POLR1E: variants seen among roughly 807,000 people sequenced by gnomAD.
POLR1E encodes DNA-directed RNA polymerase I subunit RPA49.
Under a neutral mutation model 50.9 loss-of-function variants are expected in POLR1E, and 37 were observed. The ratio of observed to expected loss-of-function variants is 0.73; its 90% CI spans 0.56 to 0.96. POLR1E has a LOEUF of 0.96. Ranked by LOEUF, POLR1E falls within the 40% of genes least tolerant of loss-of-function variation. The pLI is 0.00. For missense variants in POLR1E, 426 were observed against 518.1 expected (o/e 0.82, Z 1.73); for synonymous variants, 166 against 191.6 (o/e 0.87, Z 1.10).
At chr9:37,487,419 A>G (rs1374076698) in intron 2 of POLR1E, among the ~76,000 whole-genome samples, 1 of 152,198 alleles carries the variant, frequency 6.6e-6, no homozygotes, top group African/African-American at 2.4e-5. Context: ...TGGTGTTTCG[A>G]GTGAAAAGGA....
At chr9:37,492,558 C>T (rs913285212) in intron 4 of POLR1E, 99 bp from the exon 5 acceptor site, 1 of 1,168,754 alleles carries the variant, frequency 8.6e-7, no homozygotes, top group Non-Finnish European at 1.2e-6. Context: ...GTAAAGAAAT[C>T]TATTATTCTT....
At chr9:37,499,900 G>C (rs1440255059) in intron 9 of POLR1E, among the ~76,000 whole-genome samples, 4 of 150,792 alleles carry the variant, frequency 2.7e-5, no homozygotes, top group Non-Finnish European at 5.9e-5. Flanking sequence ...GCCCAGGCTG[G>C]AGTGCAGTGG....
intron 8 of POLR1E, among the ~76,000 whole-genome samples, chr9:37,496,623 CTTTTT>C (rs376455174): frequency 0.027 from 3,014 of 112,520 alleles, 96 homozygotes; most frequent in African/African-American, 0.097. Flanking sequence ...ATTATTATTT[CTTTTT>C]TTTTTTTTTT....
chr9:37,502,086 T>C (rs777733157), intron 11 of POLR1E, among the ~76,000 whole-genome samples: 5 of 152,348 alleles, frequency 3.3e-5, no homozygotes, highest in Non-Finnish European at 5.9e-5. Context: ...TAGAAAACAA[T>C]TGAAGAATCA....
intron 11 of POLR1E, among the ~76,000 whole-genome samples, chr9:37,502,485 C>G (rs531765014): frequency 6.6e-6 from 1 of 152,168 alleles, no homozygotes; most frequent in South Asian, 2.1e-4. Context: ...GAGATTCAGA[C>G]AGTAGGGGCA....
chr9:37,488,756 C>G (rs950019620), intron 3 of POLR1E, among the ~76,000 whole-genome samples: 2 of 151,736 alleles, frequency 1.3e-5, no homozygotes, highest in Non-Finnish European at 2.9e-5. Context: ...GATCAACTAT[C>G]AGAATCACCT....
At chr9:37,495,030 G>C in intron 6 of POLR1E, 139 bp from the exon 7 acceptor site, 1 of 677,586 alleles carries the variant, frequency 1.5e-6, no homozygotes, top group Non-Finnish European at 2.6e-6. Context: ...AGCCTGATGG[G>C]GAGGCGAGGT....
At position 37,492,855 on chromosome 9, in the gene POLR1E, A is replaced by C. The variant is rs1161356500; in HGVS notation, c.402+140A>C. Reference sequence around the variant, plus strand: ...CTCATTCAGTCTGTTTCTCTGGACAATTAGTTTGTACCTGCAGAAGCCTCC... The same window carrying C: ...CTCATTCAGTCTGTTTCTCTGGACACTTAGTTTGTACCTGCAGAAGCCTCC... On this transcript the variant is annotated intron_variant, in intron 5 of 11. Coordinates refer to ENST00000377798, the MANE Select transcript of POLR1E (RefSeq NM_022490.4). 1.1e-5 allele frequency: 8 copies of C among 751,254 alleles called. No individual in the cohort carries two copies. In the Admixed American group the frequency reaches 1.9e-4, roughly 17 times the overall value. The allele number at this position is 751,254 out of a possible 1,614,324, so 46.5% of individuals were successfully genotyped here. A position where few individuals can be genotyped will look rare whatever the true frequency, so the allele number is the denominator to read the frequency against.
chr9:37,497,834 C>T (rs1025365641), intron 8 of POLR1E, among the ~76,000 whole-genome samples: 1 of 152,136 alleles, frequency 6.6e-6, no homozygotes, highest in African/African-American at 2.4e-5. Context: ...GCGCAGACAG[C>T]TCACTGGAGC....
At chr9:37,497,158 C>T (rs2119013447) in intron 8 of POLR1E, among the ~76,000 whole-genome samples, 1 of 152,240 alleles carries the variant, frequency 6.6e-6, no homozygotes, top group South Asian at 2.1e-4. Context: ...GAGTTCAAGA[C>T]CAGCGTGACC....
intron 1 of POLR1E, 145 bp downstream of exon 1, chr9:37,486,268 A>C: frequency 1.6e-6 from 2 of 1,279,786 alleles, no homozygotes; most frequent in African/African-American, 1.5e-5. Flanking sequence ...GGGCTCTGTC[A>C]GGGCTCCCCT....
chr9:37,495,365 G>A lies in POLR1E; in HGVS notation c.655+89G>A, dbSNP rs1319054192. 3 of 1,077,778 alleles carry A rather than the reference G, an allele frequency of 2.8e-6. No individual in the cohort carries two copies. In the African/African-American group the frequency reaches 4.7e-5, roughly 17 times the overall value. 66.8% of individuals were successfully genotyped at this position (1,077,778 alleles called of 1,614,324 possible). ...AGTCAGGTTCTCTGAGGGTGTCTGT[G>A]TTCTGTGACATTCACAAGAGCTCCA... On this transcript the variant is annotated intron_variant, in intron 7 of 11. Transcript: ENST00000377798.
rs201112805 is a variant in POLR1E at position 37,503,332 on chromosome 9, C to CT, written c.*133dup. 1 of 1,153,144 alleles carries CT rather than the reference C, an allele frequency of 8.7e-7. No individual in the cohort carries two copies. Among genetic ancestry groups the CT allele is most frequent in the African/African-American group, 1.6e-5 (1 of 63,118 alleles). 71.4% of individuals were successfully genotyped at this position (1,153,144 alleles called of 1,614,324 possible). ...GTGGCTCACACCTGAAATCCCAGCA[C>CT]TTTGGGAGGCCGAGGCAGGAAGATC... is the stretch of plus-strand genomic sequence containing the variant. On this transcript the variant is annotated 3_prime_UTR_variant, in exon 12 of 12. Transcript: ENST00000377798.
At position 37,486,005 on chromosome 9, in the gene POLR1E, T is replaced by C. The variant is rs369689056; in HGVS notation, c.-43T>C. ...GCGTGTTTAAAAGTGCGCTTGTGGC[T>C]GCTGCTGTCTTAACTCCTGTGCTTG... is the stretch of plus-strand genomic sequence containing the variant. On this transcript the variant is annotated 5_prime_UTR_variant, in exon 1 of 12. Coordinates refer to ENST00000377798, the MANE Select transcript of POLR1E (RefSeq NM_022490.4). The C allele has an allele frequency of 1.2e-5, 19 of 1,576,972 alleles. No individual in the cohort carries two copies. Among genetic ancestry groups the C allele is most frequent in the African/African-American group, 1.3e-5 (1 of 74,492 alleles).
At chr9:37,496,090 G>A (rs1820780823) in intron 8 of POLR1E, 104 bp downstream of exon 8, 1 of 802,488 alleles carries the variant, frequency 1.2e-6, no homozygotes, top group Non-Finnish European at 2.1e-6. Context: ...GAGGAAGTGT[G>A]TCTGGAGCAT....
chr9:37,493,105 C>A (rs903683985), intron 5 of POLR1E, among the ~76,000 whole-genome samples: 1 of 152,202 alleles, frequency 6.6e-6, no homozygotes, highest in African/African-American at 2.4e-5. Flanking sequence ...AAGGTCATCT[C>A]ACCCCAAGAT....
chr9:37,486,889 G>A (rs1319970924), intron 2 of POLR1E, 83 bp downstream of exon 2: 2 of 1,479,244 alleles, frequency 1.4e-6, no homozygotes, highest in Non-Finnish European at 9.0e-7. Context: ...AGGGAGTGAG[G>A]GGAGAAAAAG....
chr9:37,491,064 G>T (rs1471899739), intron 4 of POLR1E, among the ~76,000 whole-genome samples: 2 of 152,192 alleles, frequency 1.3e-5, no homozygotes, highest in Non-Finnish European at 2.9e-5. Context: ...CTAATTTGAG[G>T]AAGATCTATT....
At chr9:37,502,796 A>G (rs930037243) in intron 11 of POLR1E, among the ~76,000 whole-genome samples, 1 of 152,198 alleles carries the variant, frequency 6.6e-6, no homozygotes, top group Non-Finnish European at 1.5e-5. Flanking sequence ...GGGGCTGTAG[A>G]TACCCTGGTT....
Sources: allele counts gnomAD v4.1 joint callset (sites outside exome capture counted in the v4.1 genomes callset), GRCh38; gene constraint gnomAD v4.1.1; transcripts MANE v1.5; gene names NCBI Gene and HGNC (gene_info 2026-07-23, HGNC 2026-07-21).